Variants in SRP72 observed in about 807,000 individuals in gnomAD.
SRP72 encodes signal recognition particle 72.
In SRP72, 49 loss-of-function variants were observed where a neutral mutation model predicts 96.3. The ratio of observed to expected loss-of-function variants is 0.51; its 90% CI spans 0.40 to 0.65. The LOEUF (loss-of-function observed/expected upper bound fraction) is 0.65, where lower values mean the gene tolerates loss of function less well. SRP72 is among the 30% of genes least tolerant of loss of function. SRP72 has a pLI of 0.00. For missense variants in SRP72, 736 were observed against 793.3 expected (o/e 0.93, Z 0.87); for synonymous variants, 267 against 275.2 (o/e 0.97, Z 0.30).
chr4:56,500,078 C>G (rs537790606), intron 17 of SRP72, among the ~76,000 whole-genome samples: 2 of 115,792 alleles, frequency 1.7e-5, no homozygotes, highest in East Asian at 7.1e-4. Flanking sequence ...ATGGATGAAG[C>G]TTTAAAACCA....
chr4:56,472,936 T>A (rs1166557679), intron 3 of SRP72, among the ~76,000 whole-genome samples: 1 of 152,148 alleles, frequency 6.6e-6, no homozygotes, highest in Admixed American at 6.5e-5. Flanking sequence ...CAGTAGGAAT[T>A]CTATTGTGTC....
intron 5 of SRP72, among the ~76,000 whole-genome samples, chr4:56,475,522 A>G (rs1017540983): frequency 3.4e-5 from 5 of 149,078 alleles, no homozygotes; most frequent in African/African-American, 1.2e-4. Flanking sequence ...AAATCATACC[A>G]CTGTATTCCA....
Position 56,484,757 on chromosome 4 carries a change from T to C in SRP72, c.979T>C (p.Ser327Pro), listed in dbSNP as rs1040868057. 1 of 1,614,198 alleles carries C rather than the reference T, an allele frequency of 6.2e-7. No individual in the cohort carries two copies. Among genetic ancestry groups the C allele is most frequent in the East Asian group, 2.2e-5 (1 of 44,886 alleles). The change falls in exon 10 of 19, where the codon TCT (serine) becomes CCT (proline). Residue 327 changes from serine (S) to proline (P), a missense_variant. By Grantham distance (74) the Ser-to-Pro change is moderately conservative (BLOSUM62 -1). Around this residue, in one of 3 missense-constraint regions of SRP72, gnomAD observed 388 missense variants for 431.8 expected, o/e 0.90. Transcript: ENST00000642900. ...CTAGGCTGAACAATGCCGCAAAATA[T>C]CTGCCAGTTTACAGTCCCAAAGTCC... ...TNQAEQCRKI[S>P]ASLQSQSPEH...
chr4:56,484,329 C>T (rs948028454), intron 9 of SRP72, among the ~76,000 whole-genome samples: 2 of 151,846 alleles, frequency 1.3e-5, no homozygotes, highest in Admixed American at 6.6e-5. Context: ...CCACCACGCC[C>T]GGCCGAGAGA....
Position 56,498,247 on chromosome 4 carries a change from ATAAAC to A in SRP72, c.1679-2286_1679-2282del, listed in dbSNP as rs1489934674. Reference sequence around the variant, plus strand: ...CACCCCTTCATGCTAAAAACTCTCAATAAACTACGTATTGATGGAATGTATCTCAA... The same window carrying A: ...CACCCCTTCATGCTAAAAACTCTCAATACGTATTGATGGAATGTATCTCAA... On this transcript the variant is annotated intron_variant, in intron 17 of 18. Coordinates refer to ENST00000642900, the MANE Select transcript of SRP72 (RefSeq NM_006947.4). Among the ~76,000 whole-genome samples, 4 of 152,196 alleles carry A rather than the reference ATAAAC, an allele frequency of 2.6e-5. No individual in the cohort carries two copies. In the East Asian group the frequency reaches 5.8e-4, roughly 22 times the overall value.
intron 17 of SRP72, among the ~76,000 whole-genome samples, chr4:56,497,001 A>G (rs569608844): frequency 6.6e-6 from 1 of 152,272 alleles, no homozygotes; most frequent in Admixed American, 6.5e-5. Flanking sequence ...CCCCAAAAAA[A>G]AGCATGCTCC....
chr4:56,478,347 A>T, intron 6 of SRP72, 32 bp from the exon 7 acceptor site: 2 of 1,540,136 alleles, frequency 1.3e-6, no homozygotes, highest in Non-Finnish European at 1.7e-6. Context: ...AGTTTGGAAA[A>T]TTTATATGGG....
chr4:56,496,912 C>G (rs1396158915), intron 17 of SRP72, among the ~76,000 whole-genome samples: 1 of 152,060 alleles, frequency 6.6e-6, no homozygotes, highest in Non-Finnish European at 1.5e-5. Context: ...TCGCCTGAAC[C>G]CGGGAGGCCA....
At position 56,484,720 on chromosome 4, in the gene SRP72, G is replaced by T; in HGVS notation, c.958-16G>T. 11 of 1,612,398 alleles carry T rather than the reference G, an allele frequency of 6.8e-6. No homozygotes were observed. Among genetic ancestry groups the T allele is most frequent in the Non-Finnish European group, 9.3e-6 (11 of 1,179,666 alleles). Reference sequence around the variant, plus strand: ...TAACCAGTTTATTTTTCTTGTGGGGGTTGGATATCTTCTAGGCTGAACAAT... The same window carrying T: ...TAACCAGTTTATTTTTCTTGTGGGGTTTGGATATCTTCTAGGCTGAACAAT... On this transcript the variant is annotated splice_polypyrimidine_tract_variant and intron_variant, in intron 9 of 18. Transcript: ENST00000642900.
In SRP72 at chr4:56,474,053, G is replaced by A; in HGVS notation, c.355-1G>A. ...TTTTTTACTTGCTATTTATTATTCA[G>A]TTATACCGTTTGGAACGCTATGATG... On this transcript the variant is annotated splice_acceptor_variant, in intron 3 of 18. Coordinates refer to ENST00000642900, the MANE Select transcript of SRP72 (RefSeq NM_006947.4). LOFTEE classifies it high-confidence loss of function. The A allele has an allele frequency of 1.2e-6, 2 of 1,611,434 alleles. No homozygotes were observed. Among genetic ancestry groups the A allele is most frequent in the Non-Finnish European group, 1.7e-6 (2 of 1,179,178 alleles).
At chr4:56,474,514 T>C (rs1720129122) in intron 5 of SRP72, 123 bp downstream of exon 5, 1 of 836,254 alleles carries the variant, frequency 1.2e-6, no homozygotes, top group African/African-American at 1.7e-5. Context: ...AGTGACAATT[T>C]CTCCAAGTTC....
intron 11 of SRP72, among the ~76,000 whole-genome samples, chr4:56,487,275 G>A (rs1720745678): frequency 6.6e-6 from 1 of 152,140 alleles, no homozygotes; most frequent in East Asian, 1.9e-4. Flanking sequence ...TCCTTAGTAG[G>A]GCAATAATGA....
At chr4:56,498,051 CCT>C (rs1721139197) in intron 17 of SRP72, among the ~76,000 whole-genome samples, 1 of 151,984 alleles carries the variant, frequency 6.6e-6, no homozygotes, top group Non-Finnish European at 1.5e-5. Context: ...TTTTTCCACT[CCT>C]CTATTATATA....
At position 56,469,636 on chromosome 4, in the gene SRP72, C is replaced by T. The variant is rs773952934; in HGVS notation, c.110-17C>T. 2.0e-6 allele frequency: 3 copies of T among 1,531,628 alleles called. No homozygotes were observed. Among genetic ancestry groups the T allele is most frequent in the Admixed American group, 1.8e-5 (1 of 56,260 alleles). 94.9% of individuals were successfully genotyped at this position (1,531,628 alleles called of 1,614,324 possible). A position where few individuals can be genotyped will look rare whatever the true frequency, so the allele number is the denominator to read the frequency against. On this transcript the variant is annotated splice_polypyrimidine_tract_variant and intron_variant, in intron 1 of 18. Coordinates refer to ENST00000642900, the MANE Select transcript of SRP72 (RefSeq NM_006947.4). Reference sequence around the variant, plus strand: ...GAAATGGATTTAAAAATGACTTTTCCTAAAATTGTTCTCTAGTACTACAGA... The same window carrying T: ...GAAATGGATTTAAAAATGACTTTTCTTAAAATTGTTCTCTAGTACTACAGA...
chr4:56,502,477 A>G lies in SRP72; in HGVS notation c.*616A>G. The G allele has an allele frequency of 9.8e-6, 1 of 102,492 alleles. No individual in the cohort carries two copies. The highest frequency in any genetic ancestry group is 4.4e-5 in the African/African-American group (1 of 22,472). 6.3% of individuals were successfully genotyped at this position (102,492 alleles called of 1,614,324 possible). On this transcript the variant is annotated 3_prime_UTR_variant, in exon 19 of 19. Transcript: ENST00000642900. The stretch of plus-strand genomic sequence containing the variant: ...ATACTTTTCATGTTTATATATATAT[A>G]TATATGTATATATATATACATATAT...
In SRP72 at chr4:56,490,378, T is replaced by C; in HGVS notation, c.1366T>C (p.Phe456Leu). ...GTCCTTGATAAGAGAAGCTGCAAAC[T>C]TCAAACTCAAATATGGGCGGAAGAA... ...HLSLIREAAN[F>L]KLKYGRKKEA... Residue 456 changes from phenylalanine to leucine, a missense_variant, in exon 14 of 19, where the codon TTC becomes CTC. Phe to Leu is a conservative substitution (Grantham distance 22, BLOSUM62 0). Around this residue, in one of 3 missense-constraint regions of SRP72, gnomAD observed 388 missense variants for 431.8 expected, o/e 0.90. Coordinates refer to ENST00000642900, the MANE Select transcript of SRP72 (RefSeq NM_006947.4). 6.2e-7 allele frequency: 1 copy of C among 1,614,032 alleles called. No individual in the cohort carries two copies. Among genetic ancestry groups the C allele is most frequent in the South Asian group, 1.1e-5 (1 of 91,044 alleles).
Position 56,474,094 on chromosome 4 carries a change from A to C in SRP72, c.395A>C (p.Tyr132Ser). The C allele has an allele frequency of 6.2e-7, 1 of 1,614,110 alleles. No individual in the cohort carries two copies. The highest frequency in any genetic ancestry group is 8.5e-7 in the Non-Finnish European group (1 of 1,180,002). ...LERYDECLAVYRDLVRNSQDD... is the reference protein window; with the variant it reads ...LERYDECLAVSRDLVRNSQDD... ...CGCTATGATGAATGCTTAGCAGTGT[A>C]TAGAGATCTCGTCCGAAACTCCCAA... Residue 132 changes from tyrosine (Y) to serine (S), a missense_variant, in exon 4 of 19, where the codon TAT becomes TCT. Coordinates refer to ENST00000642900, the MANE Select transcript of SRP72 (RefSeq NM_006947.4).
intron 18 of SRP72, 104 bp downstream of exon 18, chr4:56,500,799 G>A: frequency 8.7e-7 from 1 of 1,145,712 alleles, no homozygotes; most frequent in South Asian, 2.0e-5. Flanking sequence ...TGAGAAATGT[G>A]ATGTATCTTT....
intron 8 of SRP72, among the ~76,000 whole-genome samples, chr4:56,481,519 A>G (rs964376280): frequency 1.3e-5 from 2 of 152,026 alleles, no homozygotes; most frequent in South Asian, 4.1e-4. Context: ...GAGCTTCTTT[A>G]TGCTTTTGCT....
Sources: allele counts gnomAD v4.1 joint callset (sites outside exome capture counted in the v4.1 genomes callset), GRCh38; gene constraint gnomAD v4.1.1; regional missense constraint gnomAD v4.1.1; transcripts MANE v1.5; gene names NCBI Gene and HGNC (gene_info 2026-07-23, HGNC 2026-07-21).